The following ACACB variants were observed in gnomAD, a reference collection of about 807,000 sequenced individuals.
ACACB encodes the protein acetyl-CoA carboxylase beta, also known as acetyl-CoA carboxylase 2.
A neutral mutation model predicts 278.8 loss-of-function variants in ACACB; 209 were observed. The ratio of observed to expected loss-of-function variants is 0.75; its 90% CI spans 0.67 to 0.84. ACACB has a LOEUF of 0.84. Among genes scored for constraint, ACACB ranks in the 40% least tolerant of loss-of-function variants. The pLI is 0.00. For missense variants in ACACB, 2,850 were observed against 3,269.0 expected (o/e 0.87, Z 3.13); for synonymous variants, 1,174 against 1,285.6 (o/e 0.91, Z 1.86).
chr12:109,126,036 C>G lies in ACACB; in HGVS notation c.-10+9332C>G, dbSNP rs542437634. On this transcript the variant is annotated intron_variant, in intron 1 of 52. Transcript: ENST00000338432. ...CCTGTTTGCTCCATGTCTCCAGCAG[C>G]GTGTACCACACCTGGCAGGTGCTCA... Among the ~76,000 whole-genome samples the G allele has an allele frequency of 2.0e-5, 3 of 152,224 alleles. No individual in the cohort carries two copies. In the South Asian group the frequency reaches 6.2e-4, roughly 32 times the overall value.
At chr12:109,242,746 G>T in intron 37 of ACACB, 154 bp downstream of exon 37, 1 of 827,908 alleles carries the variant, frequency 1.2e-6, no homozygotes, top group Non-Finnish European at 1.8e-6. Flanking sequence ...CCAGCACTTC[G>T]GGAGGCCGAG....
rs1444863810 is a variant in ACACB, at chr12:109,185,643, G to A, written c.1883G>A (p.Trp628Ter). The A allele has an allele frequency of 6.2e-7, 1 of 1,613,788 alleles. No individual in the cohort carries two copies. Among genetic ancestry groups the A allele is most frequent in the Admixed American group, 1.7e-5 (1 of 59,994 alleles). Residue 628 changes from tryptophan (W) to a stop codon, truncating the protein, a stop_gained, in exon 12 of 53, where the codon TGG (tryptophan) becomes TAG (stop). Transcript: ENST00000338432. LOFTEE classifies it high-confidence loss of function. Reference sequence around the variant, plus strand: ...CGGCTTCTGTATGGAGAGTCACCATGGGGAGTGACTCCCATTTCTTTTGAA... The same window carrying A: ...CGGCTTCTGTATGGAGAGTCACCATAGGGAGTGACTCCCATTTCTTTTGAA... ...DIRLLYGESP[W>*]GVTPISFETP...
intron 24 of ACACB, among the ~76,000 whole-genome samples, chr12:109,221,957 A>C (rs563285522): frequency 1.3e-5 from 2 of 148,684 alleles, no homozygotes; most frequent in Admixed American, 1.4e-4. Flanking sequence ...ATCTCAGCTC[A>C]CTGCAACCTC....
chr12:109,185,726 G>A lies in ACACB; in HGVS notation c.1966G>A (p.Glu656Lys), dbSNP rs2044635379. Residue 656 changes from glutamate (E) to lysine (K), a missense_variant, in exon 12 of 53, where the codon GAA becomes AAA. Physicochemically the swap from Glu to Lys is moderately conservative, Grantham distance 56. Coordinates refer to ENST00000338432, the MANE Select transcript of ACACB (RefSeq NM_001093.4). ...GHVIAARITSENPDEGFKPSS... is the reference protein window; with the variant it reads ...GHVIAARITSKNPDEGFKPSS... Reference sequence around the variant, plus strand: ...CGTCATTGCCGCCAGAATCACCAGCGAAAACCCAGACGAGGCAAGTTATGG... The same window carrying A: ...CGTCATTGCCGCCAGAATCACCAGCAAAAACCCAGACGAGGCAAGTTATGG... 5 of 1,610,388 alleles carry A rather than the reference G, an allele frequency of 3.1e-6. No homozygotes were observed. Among genetic ancestry groups the A allele is most frequent in the East Asian group, 2.2e-5 (1 of 44,600 alleles).
intron 27 of ACACB, among the ~76,000 whole-genome samples, chr12:109,225,497 T>A (rs2046288607): frequency 6.6e-6 from 1 of 152,212 alleles, no homozygotes; most frequent in South Asian, 2.1e-4. Context: ...CTCCCCAGAG[T>A]GCTGGGATTA....
intron 10 of ACACB, 22 bp downstream of exon 10, chr12:109,179,319 G>T (rs1202412453): frequency 6.2e-7 from 1 of 1,606,988 alleles, no homozygotes; most frequent in South Asian, 1.1e-5. Context: ...AGAGCCCAGG[G>T]GGCAGCTTCA....
upstream of ACACB, among the ~76,000 whole-genome samples, chr12:109,112,237 A>C (rs2042314464): frequency 6.7e-6 from 1 of 149,148 alleles, no homozygotes; most frequent in Non-Finnish European, 1.5e-5. Flanking sequence ...ATATGTATAT[A>C]AGTTCAATAT....
chr12:109,174,046 C>T (rs991487739), intron 6 of ACACB, 86 bp from the exon 7 acceptor site: 8 of 1,145,096 alleles, frequency 7.0e-6, no homozygotes, highest in Admixed American at 4.3e-5. Context: ...TACCTGGCCC[C>T]ACCACCGTGC....
chr12:109,209,767 A>ATG (rs145214400), intron 21 of ACACB, among the ~76,000 whole-genome samples: 3,169 of 145,326 alleles, frequency 0.022, 134 homozygotes, highest in African/African-American at 0.072. Flanking sequence ...AGCTCCATGT[A>ATG]TGTGTGTGTG....
intron 2 of ACACB, among the ~76,000 whole-genome samples, chr12:109,143,539 A>G (rs1305652275): frequency 6.6e-6 from 1 of 151,128 alleles, no homozygotes; most frequent in Non-Finnish European, 1.5e-5. Context: ...CCTAAAGCTC[A>G]CTGACATACA....
rs144512253 is a variant in ACACB at position 109,184,501 on chromosome 12, C to A, written c.1819-1078C>A. ...CACTTGAGAAATAGAGCATTGATAC[C>A]ACATCTATATCTAATATATACCATT... On this transcript the variant is annotated intron_variant, in intron 11 of 52. Transcript: ENST00000338432. 3.8e-3 allele frequency among the ~76,000 whole-genome samples: 578 copies of A among 152,254 alleles called. 3 individuals are homozygous for A. Among genetic ancestry groups the A allele is most frequent in the African/African-American group, 0.013 (550 of 41,534 alleles).
At chr12:109,152,640 C>CTTTTTTTTTTTTTT (rs34863094) in intron 2 of ACACB, among the ~76,000 whole-genome samples, 3 of 74,840 alleles carry the variant, frequency 4.0e-5, no homozygotes, top group Admixed American at 1.8e-4. Context: ...TTCTTTCTTT[C>CTTTTTTTTTTTTTT]TTTTTTTTTT....
chr12:109,133,267 G>A (rs943202521), intron 1 of ACACB, among the ~76,000 whole-genome samples: 1 of 142,904 alleles, frequency 7.0e-6, no homozygotes, highest in Non-Finnish European at 1.5e-5. Context: ...TCTCTCTCTC[G>A]TTGCCCAGGC....
At chr12:109,194,938 G>T (rs970381956) in intron 16 of ACACB, among the ~76,000 whole-genome samples, 1 of 152,124 alleles carries the variant, frequency 6.6e-6, no homozygotes, top group Non-Finnish European at 1.5e-5. Context: ...TCTGCACCAC[G>T]TGTAGATTAC....
At chr12:109,186,013 C>T (rs1025804872) in intron 12 of ACACB, among the ~76,000 whole-genome samples, 1 of 152,144 alleles carries the variant, frequency 6.6e-6, no homozygotes, top group African/African-American at 2.4e-5. Context: ...TCACTACAAC[C>T]TCTGCCTCCC....
At position 109,179,197 on chromosome 12, in the gene ACACB, T is replaced by C; in HGVS notation, c.1547T>C (p.Leu516Pro). ...LADQYGNAVS[L>P]FGRDCSIQRR... The stretch of plus-strand genomic sequence containing the variant: ...GACCAGTATGGGAATGCTGTGTCTC[T>C]GTTTGGTCGCGACTGCTCCATCCAG... Residue 516 changes from leucine to proline, a missense_variant, in exon 10 of 53, where the codon CTG (leucine) becomes CCG (proline). This residue lies in a region of ACACB where 2,265 missense variants were observed against 2,561.3 expected (regional missense o/e 0.88). Coordinates refer to ENST00000338432, the MANE Select transcript of ACACB (RefSeq NM_001093.4). The C allele has an allele frequency of 3.1e-6, 5 of 1,614,148 alleles. No individual in the cohort carries two copies. Among genetic ancestry groups the C allele is most frequent in the Non-Finnish European group, 4.2e-6 (5 of 1,180,026 alleles).
chr12:109,149,255 G>T (rs74759084), intron 2 of ACACB, among the ~76,000 whole-genome samples: 2,061 of 152,264 alleles, frequency 0.014, 41 homozygotes, highest in African/African-American at 0.047. Context: ...TAGTGGGAAG[G>T]GTTGGGAGAT....
rs566705832 is a variant in ACACB, at chr12:109,262,730, C to T, written c.6787+261C>T. ...CTGCCTCCCAGGCATAAGCCATCCTCCCATCTCAGCCTGAGTAGCTGGGAC... is the reference window on the plus strand; with the variant it reads ...CTGCCTCCCAGGCATAAGCCATCCTTCCATCTCAGCCTGAGTAGCTGGGAC... On this transcript the variant is annotated intron_variant, in intron 49 of 52. Coordinates refer to ENST00000338432, the MANE Select transcript of ACACB (RefSeq NM_001093.4). Among the ~76,000 whole-genome samples, 3 of 151,858 alleles carry T rather than the reference C, an allele frequency of 2.0e-5. No individual in the cohort carries two copies. In the South Asian group the frequency reaches 6.3e-4, roughly 32 times the overall value.
intron 19 of ACACB, among the ~76,000 whole-genome samples, chr12:109,203,688 G>A (rs1593547731): frequency 6.6e-6 from 1 of 152,208 alleles, no homozygotes; most frequent in African/African-American, 2.4e-5. Context: ...ACCACCAGGG[G>A]GTGCACCAGA....
Sources: allele counts gnomAD v4.1 joint callset (sites outside exome capture counted in the v4.1 genomes callset), GRCh38; gene constraint gnomAD v4.1.1; regional missense constraint gnomAD v4.1.1; transcripts MANE v1.5; gene names NCBI Gene and HGNC (gene_info 2026-07-23, HGNC 2026-07-21).